Variants in TLE1 observed in about 807,000 individuals in gnomAD.
TLE1 encodes the protein transducin-like enhancer protein 1.
In TLE1, 21 loss-of-function variants were observed where a neutral mutation model predicts 89.8. The observed-to-expected ratio is 0.23, with a 90% CI of 0.17 to 0.34. The LOEUF is 0.34. TLE1 is among the 10% of genes least tolerant of loss of function. The pLI, the probability that TLE1 is intolerant of heterozygous loss-of-function variation, is 1.00. For synonymous variants in TLE1, 447 were observed against 407.6 expected (o/e 1.10, Z -1.16); for missense variants, 795 against 1,031.2 (o/e 0.77, Z 3.14).
intron 5 of TLE1, 72 bp from the exon 6 acceptor site, chr9:81,652,360 G>A: frequency 1.5e-6 from 2 of 1,324,078 alleles, no homozygotes; most frequent in Non-Finnish European, 2.2e-6. Context: ...ACAACAAAAA[G>A]TCAAATGCTG....
intron 4 of TLE1, among the ~76,000 whole-genome samples, chr9:81,655,093 C>T (rs765000370): frequency 9.2e-5 from 14 of 152,092 alleles, no homozygotes; most frequent in Non-Finnish European, 1.2e-4. Context: ...AGGCCGGGTG[C>T]GGTGGCTCGC....
intron 17 of TLE1, among the ~76,000 whole-genome samples, chr9:81,587,311 A>G (rs2796462): frequency 0.23 from 35,537 of 152,140 alleles, 4,529 homozygotes; most frequent in Middle Eastern, 0.34. Flanking sequence ...CTATTTATTT[A>G]GGAATCAAAA....
At chr9:81,653,060 C>A (rs1435460508) in intron 5 of TLE1, among the ~76,000 whole-genome samples, 1 of 152,166 alleles carries the variant, frequency 6.6e-6, no homozygotes, top group African/African-American at 2.4e-5. Flanking sequence ...CTTTGGGAGG[C>A]ATGAGAATGT....
intron 4 of TLE1, among the ~76,000 whole-genome samples, chr9:81,685,441 GGCTA>G (rs1322762926): frequency 6.6e-6 from 1 of 152,064 alleles, no homozygotes; most frequent in African/African-American, 2.4e-5. Context: ...TCAATAAAGA[GGCTA>G]GTTTATATTT....
At position 81,633,336 on chromosome 9, in the gene TLE1, T is replaced by A; in HGVS notation, c.594+12A>T. On this transcript the variant is annotated intron_variant, in intron 8 of 19. Transcript: ENST00000376499. ...GTGTGTGTGTGTGTGCAGCAGGCGT[T>A]TGAGTACTTACTGTGCCCGGCTCTC... 1.2e-6 allele frequency: 2 copies of A among 1,610,252 alleles called. No homozygotes were observed. Among genetic ancestry groups the A allele is most frequent in the Non-Finnish European group, 1.7e-6 (2 of 1,178,710 alleles).
At chr9:81,603,147 G>C (rs901175561) in intron 14 of TLE1, among the ~76,000 whole-genome samples, 6 of 152,146 alleles carry the variant, frequency 3.9e-5, no homozygotes, top group African/African-American at 1.4e-4. Context: ...TCCCCTATTG[G>C]GTTAGTGCAG....
intron 18 of TLE1, 120 bp from the exon 19 acceptor site, chr9:81,584,644 A>T (rs1211937109): frequency 1.0e-5 from 9 of 864,654 alleles, no homozygotes; most frequent in Non-Finnish European, 1.6e-5. Flanking sequence ...TGCCCTAAGG[A>T]CTGGTCCATG....
At chr9:81,687,231 C>G in intron 2 of TLE1, 103 bp downstream of exon 2, 1 of 917,572 alleles carries the variant, frequency 1.1e-6, no homozygotes, top group Non-Finnish European at 1.7e-6. Flanking sequence ...CACACGCCAC[C>G]GCCTGGACGC....
chr9:81,658,873 C>T (rs899991960), intron 4 of TLE1, among the ~76,000 whole-genome samples: 3 of 151,962 alleles, frequency 2.0e-5, no homozygotes, highest in African/African-American at 7.3e-5. Flanking sequence ...TAACAAGTCT[C>T]GTAGTGACTT....
At position 81,651,588 on chromosome 9, in the gene TLE1, A is replaced by C. The variant is rs79522428; in HGVS notation, c.372+626T>G. On this transcript the variant is annotated intron_variant, in intron 6 of 19. Transcript: ENST00000376499. ...TAAAAATTCATGAAAGAGGCACAAG[A>C]AAGAACAAGAGCCAACAGTTCTATA... Among the ~76,000 whole-genome samples, 209 of 152,314 alleles carry C rather than the reference A, an allele frequency of 1.4e-3. 3 individuals carry two copies. In the East Asian group the frequency reaches 0.037, roughly 27 times the overall value.
chr9:81,650,901 T>C (rs992863352), intron 6 of TLE1, among the ~76,000 whole-genome samples: 3 of 152,214 alleles, frequency 2.0e-5, no homozygotes, highest in Admixed American at 1.3e-4. Context: ...TTTCACCTAA[T>C]TGACTGCCAA....
chr9:81,633,376 G>A lies in TLE1; in HGVS notation c.578-12C>T. The A allele has an allele frequency of 1.2e-6, 2 of 1,613,184 alleles. No individual in the cohort carries two copies. Among genetic ancestry groups the A allele is most frequent in the East Asian group, 2.2e-5 (1 of 44,844 alleles). Reference sequence around the variant, plus strand: ...GCCCGGCTCTCTGTCTGCTCCCGAGGTTACCAAGAAACGCACAGACATGCC... The same window carrying A: ...GCCCGGCTCTCTGTCTGCTCCCGAGATTACCAAGAAACGCACAGACATGCC... On this transcript the variant is annotated splice_polypyrimidine_tract_variant and intron_variant, in intron 7 of 19. Coordinates refer to ENST00000376499, the MANE Select transcript of TLE1 (RefSeq NM_005077.5).
rs1267718507 is a variant in TLE1, at chr9:81,687,411, C to A, written c.48G>T (p.Gln16His). 12 of 1,611,132 alleles carry A rather than the reference C, an allele frequency of 7.4e-6. No homozygotes were observed. The highest frequency in any genetic ancestry group is 1.0e-5 in the Non-Finnish European group (12 of 1,179,256). ...RHPTPHQAAG[Q>H]PFKFTIPESL... ...ACTCCGGGATAGTGAACTTGAAGGG[C>A]TGGCCTGCAGCCTGGTGCGGCGTCT... Residue 16 changes from glutamine to histidine, a missense_variant, in exon 2 of 20, where the codon CAG (glutamine) becomes CAT (histidine). By Grantham distance (24) the Gln-to-His change is conservative. Coordinates refer to ENST00000376499, the MANE Select transcript of TLE1 (RefSeq NM_005077.5).
At position 81,685,833 on chromosome 9, in the gene TLE1, C is replaced by T; in HGVS notation, c.189G>A (p.Met63Ile). 6.2e-7 allele frequency: 1 copy of T among 1,614,060 alleles called. No individual in the cohort carries two copies. Among genetic ancestry groups the T allele is most frequent in the Non-Finnish European group, 8.5e-7 (1 of 1,179,982 alleles). Residue 63 changes from methionine to isoleucine, a missense_variant and splice_region_variant, in exon 3 of 20, where the codon ATG (methionine) becomes ATA (isoleucine). Physicochemically the swap from Met to Ile is conservative, Grantham distance 10 (BLOSUM62 1). Around this residue, in one of 4 missense-constraint regions of TLE1, gnomAD observed 66 missense variants for 118.7 expected, o/e 0.56. Transcript: ENST00000376499. ...AAAAAGTCCAATCTTTGATACCTAC[C>T]ATCACATAGTGCCTCTGCATTTCTG... is the stretch of plus-strand genomic sequence containing the variant. ...EKTEMQRHYV[M>I]YYEMSYGLNI... is the part of the protein sequence containing the mutation.
chr9:81,651,963 T>C (rs1829597487), intron 6 of TLE1, among the ~76,000 whole-genome samples: 1 of 145,844 alleles, frequency 6.9e-6, no homozygotes, highest in South Asian at 2.5e-4. Context: ...AGAATTTTTT[T>C]AATTAATAGA....
chr9:81,689,476 T>TCTG lies in TLE1; in HGVS notation c.-1239_-1237dup, dbSNP rs1259205822. Among the ~76,000 whole-genome samples the TCTG allele has an allele frequency of 2.0e-5, 3 of 152,082 alleles. No individual in the cohort carries two copies. The highest frequency in any genetic ancestry group is 4.4e-5 in the Non-Finnish European group (3 of 67,970). On this transcript the variant is annotated 5_prime_UTR_variant, in exon 1 of 20. Transcript: ENST00000376499. ...GGGGCACAGAGTACCCGCCGCTGTT[T>TCTG]CTGCTGCTGCTGCTTCTGCAGCCGC...
At chr9:81,686,988 G>C (rs1242484746) in intron 2 of TLE1, among the ~76,000 whole-genome samples, 1 of 152,122 alleles carries the variant, frequency 6.6e-6, no homozygotes, top group African/African-American at 2.4e-5. Context: ...CCACACTCCA[G>C]GACTGAGACA....
intron 12 of TLE1, among the ~76,000 whole-genome samples, chr9:81,612,630 C>T (rs904806159): frequency 1.3e-5 from 2 of 152,116 alleles, no homozygotes; most frequent in Non-Finnish European, 2.9e-5. Context: ...GCAAGGAGCA[C>T]GGTTGGGCCA....
chr9:81,658,913 TA>T (rs1315704726), intron 4 of TLE1, among the ~76,000 whole-genome samples: 2 of 152,056 alleles, frequency 1.3e-5, no homozygotes, highest in African/African-American at 4.8e-5. Context: ...TTTATCTATT[TA>T]TTTATTTTTT....
Sources: gnomAD v4.1 joint callset for allele counts (sites outside exome capture counted in the v4.1 genomes callset) on GRCh38, gnomAD v4.1.1 for gene constraint, gnomAD v4.1.1 regional missense constraint, MANE v1.5 for transcripts, NCBI Gene and HGNC (gene_info 2026-07-23, HGNC 2026-07-21) for gene names.